Variants in MCPH1 observed in about 807,000 individuals in gnomAD.
The protein encoded by MCPH1 is microcephalin.
Under a neutral mutation model 84.5 loss-of-function variants are expected in MCPH1, and 104 were observed. The ratio of observed to expected loss-of-function variants is 1.23; its 90% CI spans 1.05 to 1.45. The LOEUF (loss-of-function observed/expected upper bound fraction) is 1.45. Among genes scored for constraint, MCPH1 ranks in the 40% most tolerant of loss-of-function variants. The pLI is 0.00. For synonymous variants in MCPH1, 514 were observed against 366.8 expected (o/e 1.40, Z -4.58); for missense variants, 1,498 against 1,005.7 (o/e 1.49, Z -6.62).
chr8:6,588,549 C>T (rs1203936311), intron 12 of MCPH1, among the ~76,000 whole-genome samples: 10 of 152,198 alleles, frequency 6.6e-5, no homozygotes, highest in Admixed American at 3.3e-4. Flanking sequence ...CAGCCGGGCT[C>T]CTGGAGTGGC....
At position 6,646,025 on chromosome 8, in the gene MCPH1, T is replaced by G. The variant is rs1798200816; in HGVS notation, c.*2976T>G. The G allele has an allele frequency of 6.6e-6, 1 of 152,212 alleles. No individual in the cohort carries two copies. The highest frequency in any genetic ancestry group is 1.5e-5 in the Non-Finnish European group (1 of 68,026). 9.4% of individuals were successfully genotyped at this position (152,212 alleles called of 1,614,324 possible). A position where few individuals can be genotyped will look rare whatever the true frequency, so the allele number is the denominator to read the frequency against. ...AATTTGAAAAGCTGATGCTAAATCTTTTATGAAAATGCAAAGAACCTCTAG... is the reference window on the plus strand; with the variant it reads ...AATTTGAAAAGCTGATGCTAAATCTGTTATGAAAATGCAAAGAACCTCTAG... On this transcript the variant is annotated 3_prime_UTR_variant, in exon 14 of 14. Coordinates refer to ENST00000344683, the MANE Select transcript of MCPH1 (RefSeq NM_024596.5).
intron 11 of MCPH1, among the ~76,000 whole-genome samples, chr8:6,483,286 A>G (rs1027628427): frequency 1.3e-5 from 2 of 152,260 alleles, no homozygotes; most frequent in Non-Finnish European, 2.9e-5. Flanking sequence ...TTCTCATTCA[A>G]AATCTCAGTG....
intron 11 of MCPH1, among the ~76,000 whole-genome samples, chr8:6,496,275 G>A (rs188551715): frequency 6.6e-5 from 10 of 152,202 alleles, no homozygotes; most frequent in South Asian, 2.1e-4. Context: ...AATAGGGTTC[G>A]CAATTCTATG....
chr8:6,520,316 C>G (rs766610127), intron 12 of MCPH1, among the ~76,000 whole-genome samples: 1 of 152,158 alleles, frequency 6.6e-6, no homozygotes, highest in Non-Finnish European at 1.5e-5. Context: ...TTTTGAAGAT[C>G]TTTCATCTTG....
In MCPH1 at chr8:6,621,567, T is replaced by A. The variant is rs781736683; in HGVS notation, c.2328T>A (p.Cys776Ter). The change falls in exon 13 of 14, where the codon TGT becomes TGA. Residue 776 changes from cysteine (C) to a stop codon, truncating the protein, a stop_gained. Transcript: ENST00000344683. LOFTEE classifies it high-confidence loss of function. ...PASSPPVAKL[C>*]ELVHLCGGRV... Reference sequence around the variant, plus strand: ...GCAGCCCCCCAGTGGCCAAGCTCTGTGAACTAGTCCACCTGTGCGGAGGCC... The same window carrying A: ...GCAGCCCCCCAGTGGCCAAGCTCTGAGAACTAGTCCACCTGTGCGGAGGCC... 1 of 1,614,210 alleles carries A rather than the reference T, an allele frequency of 6.2e-7. No homozygotes were observed. Among genetic ancestry groups the A allele is most frequent in the African/African-American group, 1.3e-5 (1 of 75,062 alleles).
intron 12 of MCPH1, among the ~76,000 whole-genome samples, chr8:6,564,398 T>A (rs1008173208): frequency 7.2e-5 from 11 of 152,204 alleles, no homozygotes; most frequent in Non-Finnish European, 2.9e-5. Context: ...TTAATTAAGC[T>A]CTAATGTCCT....
chr8:6,418,670 ACTCC>A (rs1435521650), intron 3 of MCPH1, among the ~76,000 whole-genome samples: 1 of 151,360 alleles, frequency 6.6e-6, no homozygotes, highest in Non-Finnish European at 1.5e-5. Context: ...GCAACCTCCT[ACTCC>A]CTGGTTCAGC....
At chr8:6,562,509 A>G (rs2129575886) in intron 12 of MCPH1, 1 of 694,432 alleles carries the variant, frequency 1.4e-6, no homozygotes, top group East Asian at 3.0e-5. Flanking sequence ...ATTTGAGGGT[A>G]CCAGCAACCC....
chr8:6,635,203 G>A (rs1043816244), intron 13 of MCPH1: 6 of 152,184 alleles, frequency 3.9e-5, no homozygotes, highest in Admixed American at 2.6e-4. Context: ...ATGAGGCTCC[G>A]GTTGTTCATT....
chr8:6,534,255 A>T (rs1021717028), intron 12 of MCPH1, among the ~76,000 whole-genome samples: 2 of 152,244 alleles, frequency 1.3e-5, no homozygotes, highest in Non-Finnish European at 1.5e-5. Flanking sequence ...GTAAAACAAT[A>T]CAGTATAGCA....
intron 12 of MCPH1, among the ~76,000 whole-genome samples, chr8:6,597,259 A>G (rs947448242): frequency 3.3e-5 from 5 of 152,184 alleles, no homozygotes; most frequent in African/African-American, 7.2e-5. Flanking sequence ...CGTCTTTACC[A>G]TCATCACTGT....
chr8:6,579,981 G>T (rs758091206), intron 12 of MCPH1, among the ~76,000 whole-genome samples: 2 of 152,210 alleles, frequency 1.3e-5, no homozygotes, highest in African/African-American at 4.8e-5. Context: ...GAAACTAAAT[G>T]TGGCTGCCCC....
intron 13 of MCPH1, among the ~76,000 whole-genome samples, chr8:6,640,628 A>G (rs1797881451): frequency 2.0e-5 from 3 of 152,288 alleles, no homozygotes; most frequent in Non-Finnish European, 2.9e-5. Flanking sequence ...CTGTCTCTTT[A>G]GCTGTGCTTA....
chr8:6,468,645 GGT>G (rs1491576383), intron 9 of MCPH1, among the ~76,000 whole-genome samples: 3 of 131,108 alleles, frequency 2.3e-5, no homozygotes, highest in African/African-American at 6.7e-5. Context: ...ACATTTTTTT[GGT>G]TTTTTTTTTT....
At chr8:6,510,233 G>T (rs900090196) in intron 12 of MCPH1, among the ~76,000 whole-genome samples, 3 of 151,818 alleles carry the variant, frequency 2.0e-5, no homozygotes, top group African/African-American at 7.3e-5. Flanking sequence ...GATGGTTCAG[G>T]ACAGATCAGA....
At chr8:6,551,040 G>A (rs1443560784) in intron 12 of MCPH1, among the ~76,000 whole-genome samples, 1 of 152,194 alleles carries the variant, frequency 6.6e-6, no homozygotes, top group Non-Finnish European at 1.5e-5. Flanking sequence ...GCACTCCAAG[G>A]CCCTTGTTTT....
intron 11 of MCPH1, among the ~76,000 whole-genome samples, chr8:6,486,318 C>T (rs543173992): frequency 6.6e-6 from 1 of 152,206 alleles, no homozygotes; most frequent in Admixed American, 6.5e-5. Flanking sequence ...CTCTCGCTCT[C>T]TCGTCCTCCT....
At chr8:6,576,662 C>A (rs1028663530) in intron 12 of MCPH1, among the ~76,000 whole-genome samples, 1 of 143,828 alleles carries the variant, frequency 7.0e-6, no homozygotes, top group African/African-American at 2.6e-5. Context: ...TGCCCGCCAC[C>A]ACGCTCTGCT....
At position 6,445,504 on chromosome 8, in the gene MCPH1, G is replaced by T; in HGVS notation, c.1782G>T (p.Thr594=). ...TTATAGTTGACTGTAACATGGAGAC[G>T]TCTACAGAAGAGAAGGAAAACTTAC... The part of the protein sequence containing the change: ...PCFIVDCNME[T]STEEKENLPG... Residue 594 remains threonine (T), a synonymous_variant, in exon 8 of 14, where the codon ACG becomes ACT. Transcript: ENST00000344683. The T allele has an allele frequency of 6.2e-7, 1 of 1,610,882 alleles. No individual in the cohort carries two copies. The highest frequency in any genetic ancestry group is 8.5e-7 in the Non-Finnish European group (1 of 1,179,192).
Sources: allele counts gnomAD v4.1 joint callset (sites outside exome capture counted in the v4.1 genomes callset), GRCh38; gene constraint gnomAD v4.1.1; transcripts MANE v1.5; gene names NCBI Gene and HGNC (gene_info 2026-07-23, HGNC 2026-07-21).